The following CNOT1 variants were observed in gnomAD, a reference collection of about 807,000 sequenced individuals.
CNOT1 encodes CCR4-NOT transcription complex subunit 1, also known as CCR4-associated factor 1.
In CNOT1, 15 loss-of-function variants were observed where a neutral mutation model predicts 273.8. The ratio of observed to expected loss-of-function variants is 0.05; its 90% CI spans 0.04 to 0.08. The LOEUF (loss-of-function observed/expected upper bound fraction) is 0.08, where lower values mean the gene tolerates loss of function less well. Ranked by LOEUF, CNOT1 falls within the 10% of genes least tolerant of loss-of-function variation. The pLI, the probability that CNOT1 is intolerant of heterozygous loss-of-function variation, is 1.00. For synonymous variants in CNOT1, 1,022 were observed against 1,005.5 expected (o/e 1.02, Z -0.31); for missense variants, 1,644 against 2,912.2 (o/e 0.56, Z 10.02).
intron 6 of CNOT1, among the ~76,000 whole-genome samples, 197 bp from the exon 7 acceptor site, chr16:58,586,945 T>C (rs1198877812): frequency 6.6e-6 from 1 of 152,202 alleles, no homozygotes; most frequent in African/African-American, 2.4e-5. Context: ...TAGAGAGTTG[T>C]TGATGGGCAT....
chr16:58,621,824 T>C (rs1300519071), intron 1 of CNOT1, among the ~76,000 whole-genome samples: 1 of 141,038 alleles, frequency 7.1e-6, no homozygotes, highest in Non-Finnish European at 1.5e-5. Flanking sequence ...GGCAGGAGAA[T>C]GGCATGAACC....
At chr16:58,545,923 A>T (rs2040245095) in intron 29 of CNOT1, among the ~76,000 whole-genome samples, 1 of 152,160 alleles carries the variant, frequency 6.6e-6, no homozygotes, top group African/African-American at 2.4e-5. Context: ...CCCTTCTCCC[A>T]TCTTCTTCAT....
intron 1 of CNOT1, among the ~76,000 whole-genome samples, chr16:58,621,222 A>G (rs2043299522): frequency 6.6e-6 from 1 of 151,996 alleles, no homozygotes; most frequent in African/African-American, 2.4e-5. Context: ...TCTGCCTCCC[A>G]AAAGTGTTAG....
Position 58,547,207 on chromosome 16 carries a change from T to G in CNOT1, c.3729A>C (p.Leu1243Phe). 6.2e-7 allele frequency: 1 copy of G among 1,613,630 alleles called. No individual in the cohort carries two copies. Among genetic ancestry groups the G allele is most frequent in the Non-Finnish European group, 8.5e-7 (1 of 1,179,768 alleles). ...LYVVPFVAKV[L>F]ESSIRSVVFR... ...TCACCACACTACGAATGCTAGATTC[T>G]AAGACTTTGGCAACAAAGGGCACTA... Residue 1243 changes from leucine to phenylalanine, a missense_variant, in exon 27 of 49, where the codon TTA becomes TTC. Around this residue, in one of 13 missense-constraint regions of CNOT1, gnomAD observed 124 missense variants for 289.3 expected, o/e 0.43. Transcript: ENST00000317147. This position sits in a 1 kb window ranked among gnomAD's most constrained non-coding sequence, Gnocchi z 4.0.
intron 1 of CNOT1, among the ~76,000 whole-genome samples, chr16:58,601,899 T>C (rs1405194835): frequency 6.6e-6 from 1 of 151,228 alleles, no homozygotes; most frequent in African/African-American, 2.4e-5. Context: ...AAAATATTTT[T>C]AAGTAAATAA....
chr16:58,531,127 GCT>G (rs1365413518), intron 42 of CNOT1, among the ~76,000 whole-genome samples: 9 of 152,136 alleles, frequency 5.9e-5, no homozygotes, highest in Non-Finnish European at 1.2e-4. Flanking sequence ...ATGTCAGCCT[GCT>G]CACCCTCCCC....
At chr16:58,574,783 A>C (rs944503996) in intron 15 of CNOT1, 23 bp from the exon 16 acceptor site, 6 of 1,583,978 alleles carry the variant, frequency 3.8e-6, no homozygotes, top group Non-Finnish European at 5.1e-6. Context: ...AAAGTCTCTC[A>C]GTGTATTTAA....
chr16:58,525,254 G>A lies in CNOT1; in HGVS notation c.6709C>T (p.Pro2237Ser), dbSNP rs1312032241. ...GAGTGAGTGATGGTGCTCATTGAAGGTGTGCTGCCCTTGTTGTGGATGTGC... is the reference window on the plus strand; with the variant it reads ...GAGTGAGTGATGGTGCTCATTGAAGATGTGCTGCCCTTGTTGTGGATGTGC... ...IAHIHNKGST[P>S]SMSTITHSAH... The change falls in exon 46 of 49, where the codon CCT (proline) becomes TCT (serine). Residue 2237 changes from proline to serine, a missense_variant. Physicochemically the swap from Pro to Ser is moderately conservative, Grantham distance 74 (BLOSUM62 -1). Coordinates refer to ENST00000317147, the MANE Select transcript of CNOT1 (RefSeq NM_016284.5). 1 of 1,613,908 alleles carries A rather than the reference G, an allele frequency of 6.2e-7. No individual in the cohort carries two copies. The highest frequency in any genetic ancestry group is 8.5e-7 in the Non-Finnish European group (1 of 1,180,042).
rs1402937490 is a variant in CNOT1, at chr16:58,555,604, T to TGTTAAATA, written c.2605-68_2605-67insTATTTAAC. 3.2e-6 allele frequency: 5 copies of TGTTAAATA among 1,559,830 alleles called. No individual in the cohort carries two copies. The African/African-American group carries it at 4.1e-5, about 13-fold the overall frequency. On this transcript the variant is annotated intron_variant, in intron 20 of 48. Transcript: ENST00000317147. ...AATTACTAAGAGCCTTTCTCAAATATGCTTAACAAAAGACTATTAAGTAGA... is the reference window on the plus strand; with the variant it reads ...AATTACTAAGAGCCTTTCTCAAATATGTTAAATAGCTTAACAAAAGACTATTAAGTAGA...
At chr16:58,539,480 C>CACACACACAG (rs1555494957) in intron 35 of CNOT1, among the ~76,000 whole-genome samples, 8 of 148,688 alleles carry the variant, frequency 5.4e-5, no homozygotes, top group South Asian at 2.3e-4. Flanking sequence ...CACACACACA[C>CACACACACAG]ACACACACAC....
Position 58,578,936 on chromosome 16 carries a change from C to T in CNOT1, c.1347G>A (p.Lys449=). The T allele has an allele frequency of 8.1e-6, 13 of 1,612,976 alleles. No individual in the cohort carries two copies. The highest frequency in any genetic ancestry group is 1.1e-5 in the Non-Finnish European group (13 of 1,179,088). The change falls in exon 13 of 49, where the codon AAG becomes AAA. Residue 449 remains lysine, a synonymous_variant. Transcript: ENST00000317147. The stretch of plus-strand genomic sequence containing the variant: ...GCAGAGATTCAATCAAATCCAAGCT[C>T]TTCCTAACGAGAAAGGAAGAAACAT... ...EDDNREIATW[K]SLDLIESLLR... is the part of the protein sequence containing the mutation.
rs1966245827 is a variant in CNOT1 at position 58,576,535 on chromosome 16, T to C, written c.1632A>G (p.Glu544=). 6.2e-7 allele frequency: 1 copy of C among 1,614,210 alleles called. No individual in the cohort carries two copies. Among genetic ancestry groups the C allele is most frequent in the Admixed American group, 1.7e-5 (1 of 60,024 alleles). ...IRQLIMHAMA[E]WYMRGEQYDQ... ...CATACTGCTCCCCTCTCATGTACCA[T>C]TCTGCCATTGCATGCATGATAAGTT... Residue 544 remains glutamate (E), a synonymous_variant, in exon 14 of 49, where the codon GAA becomes GAG. Coordinates refer to ENST00000317147, the MANE Select transcript of CNOT1 (RefSeq NM_016284.5).
intron 1 of CNOT1, among the ~76,000 whole-genome samples, chr16:58,604,804 A>C (rs1378973302): frequency 1.6e-5 from 2 of 125,334 alleles, no homozygotes; most frequent in East Asian, 2.2e-4. Flanking sequence ...TCTAAAAAAA[A>C]AAAACAAAAA....
chr16:58,533,429 G>A (rs1349088389), intron 40 of CNOT1, among the ~76,000 whole-genome samples: 3 of 152,196 alleles, frequency 2.0e-5, no homozygotes, highest in Non-Finnish European at 4.4e-5. Flanking sequence ...AAGGTTGGGA[G>A]AGCGAGACCA....
intron 10 of CNOT1, 93 bp downstream of exon 10, chr16:58,582,695 TTTGAG>T (rs759577657): frequency 3.5e-5 from 26 of 746,618 alleles, no homozygotes; most frequent in Non-Finnish European, 5.6e-5. Flanking sequence ...TTTATTACTT[TTTGAG>T]TTAACGAAGG....
At chr16:58,571,740 G>A (rs1240511618) in intron 16 of CNOT1, among the ~76,000 whole-genome samples, 1 of 152,180 alleles carries the variant, frequency 6.6e-6, no homozygotes, top group Non-Finnish European at 1.5e-5. Context: ...CACTTTGGGA[G>A]GCTGAGGCGA....
chr16:58,618,139 C>A (rs1178165598), intron 1 of CNOT1, among the ~76,000 whole-genome samples: 6 of 152,066 alleles, frequency 3.9e-5, no homozygotes, highest in Non-Finnish European at 8.8e-5. Flanking sequence ...ACAGTTTATG[C>A]ATAACTATTT....
intron 1 of CNOT1, among the ~76,000 whole-genome samples, chr16:58,629,330 GA>G (rs2152064181): frequency 1.3e-5 from 2 of 152,340 alleles, no homozygotes; most frequent in East Asian, 3.9e-4. Context: ...AGCAGAGACA[GA>G]AACAGTAGTT....
At chr16:58,601,938 T>C (rs1597569793) in intron 1 of CNOT1, among the ~76,000 whole-genome samples, 2 of 152,014 alleles carry the variant, frequency 1.3e-5, no homozygotes, top group Admixed American at 1.3e-4. Flanking sequence ...ACTTATTTTG[T>C]TCCTAATATG....
Sources: allele counts gnomAD v4.1 joint callset (sites outside exome capture counted in the v4.1 genomes callset), GRCh38; gene constraint gnomAD v4.1.1; regional missense constraint gnomAD v4.1.1; non-coding constraint Gnocchi (gnomAD v3.1); transcripts MANE v1.5; gene names NCBI Gene and HGNC (gene_info 2026-07-23, HGNC 2026-07-21).